Variants in BMAL1 observed in about 807,000 individuals in gnomAD.
The protein encoded by BMAL1 is basic helix-loop-helix ARNT-like protein 1.
At chr11:13,330,835 T>G in the BMAL1 span, among the ~76,000 whole-genome samples, 3 of 152,264 alleles carry the variant, frequency 2.0e-5, no homozygotes. Flanking sequence ...AGGCGCAGTA[T>G]TGTGATATCT....
the BMAL1 span, chr11:13,354,758 C>T: frequency 1.9e-5 from 6 of 323,414 alleles, no homozygotes; most frequent in East Asian, 2.3e-4. Flanking sequence ...TTCTTTGCTC[C>T]TTTGAGCAAG....
At chr11:13,316,677 A>C in the BMAL1 span, among the ~76,000 whole-genome samples, 1 of 152,220 alleles carries the variant, frequency 6.6e-6, no homozygotes, top group Non-Finnish European at 1.5e-5. Flanking sequence ...AGGGCTCTCT[A>C]GGGCCAGGCT....
At chr11:13,381,501 C>G in the BMAL1 span, among the ~76,000 whole-genome samples, 1 of 152,160 alleles carries the variant, frequency 6.6e-6, no homozygotes, top group African/African-American at 2.4e-5. Context: ...GAATGGGGAA[C>G]TGTCAGTTCA....
At chr11:13,277,476 C>G in the BMAL1 span, among the ~76,000 whole-genome samples, 9 of 152,146 alleles carry the variant, frequency 5.9e-5, no homozygotes, top group African/African-American at 2.2e-4. Flanking sequence ...TCGGGGCGTG[C>G]GCTCCTGTGC....
the BMAL1 span, chr11:13,386,989 A>G: frequency 2.4e-6 from 1 of 408,968 alleles, no homozygotes; most frequent in Non-Finnish European, 4.3e-6. Flanking sequence ...AGCTGTGGAT[A>G]GCTTGCATTA....
the BMAL1 span, among the ~76,000 whole-genome samples, chr11:13,339,867 G>C: frequency 6.6e-6 from 1 of 152,114 alleles, no homozygotes; most frequent in Non-Finnish European, 1.5e-5. Context: ...CTCACCAGGA[G>C]GTGTGCCAGA....
the BMAL1 span, among the ~76,000 whole-genome samples, chr11:13,329,494 A>C: frequency 1.1e-3 from 166 of 152,322 alleles, 4 homozygotes; most frequent in South Asian, 0.033. Flanking sequence ...TTGGGCTGAC[A>C]TGAAAACCTC....
the BMAL1 span, among the ~76,000 whole-genome samples, chr11:13,333,711 G>C: frequency 6.6e-6 from 1 of 152,234 alleles, no homozygotes; most frequent in Non-Finnish European, 1.5e-5. Flanking sequence ...CAGGCATCCT[G>C]CTCCTGCTTT....
chr11:13,305,063 G>A, the BMAL1 span, among the ~76,000 whole-genome samples: 3 of 152,132 alleles, frequency 2.0e-5, no homozygotes, highest in South Asian at 2.1e-4. Context: ...TGTTTCCCAC[G>A]TACTTCCTTG....
chr11:13,366,685 T>G, the BMAL1 span: 1 of 1,613,920 alleles, frequency 6.2e-7, no homozygotes, highest in Non-Finnish European at 8.5e-7. Context: ...TTGGTCAGAG[T>G]TTGTTTGACT....
the BMAL1 span, among the ~76,000 whole-genome samples, chr11:13,372,842 G>GT: frequency 6.6e-6 from 1 of 152,206 alleles, no homozygotes; most frequent in South Asian, 2.1e-4. Flanking sequence ...GAGAGTCTCT[G>GT]TTAAAAAATG....
chr11:13,351,746 C>T, the BMAL1 span, among the ~76,000 whole-genome samples: 5 of 152,282 alleles, frequency 3.3e-5, no homozygotes, highest in African/African-American at 9.6e-5. Flanking sequence ...GTCAGCTCTC[C>T]TCTGGATGTG....
At chr11:13,284,764 T>G in the BMAL1 span, among the ~76,000 whole-genome samples, 87,203 of 151,962 alleles carry the variant, frequency 0.57, 27,415 homozygotes, top group Non-Finnish European at 0.7. Flanking sequence ...GCTCAACTCC[T>G]TTCAATCTTC....
the BMAL1 span, among the ~76,000 whole-genome samples, chr11:13,332,205 T>C: frequency 6.6e-6 from 1 of 152,202 alleles, no homozygotes; most frequent in Non-Finnish European, 1.5e-5. Context: ...CCTTGGGTTA[T>C]TGAATCCATT....
chr11:13,372,715 C>CAGG, the BMAL1 span, among the ~76,000 whole-genome samples: 2 of 152,064 alleles, frequency 1.3e-5, no homozygotes, highest in Non-Finnish European at 2.9e-5. Flanking sequence ...GAGGCTGAAG[C>CAGG]AGGAGGATCA....
the BMAL1 span, among the ~76,000 whole-genome samples, chr11:13,278,356 C>T: frequency 2.6e-5 from 4 of 152,326 alleles, no homozygotes; most frequent in East Asian, 7.8e-4. Context: ...GAAGAGGACT[C>T]CTAGATGTGT....
the BMAL1 span, among the ~76,000 whole-genome samples, chr11:13,336,008 A>T: frequency 1.3e-5 from 2 of 152,230 alleles, no homozygotes; most frequent in African/African-American, 2.4e-5. Context: ...AGAGAGAGAG[A>T]GTGTGTGTGC....
chr11:13,317,581 C>A, the BMAL1 span, among the ~76,000 whole-genome samples: 43 of 152,182 alleles, frequency 2.8e-4, no homozygotes, highest in Admixed American at 9.2e-4. Context: ...AAATTGTGGG[C>A]AATGCACTGA....
the BMAL1 span, among the ~76,000 whole-genome samples, chr11:13,367,942 G>T: frequency 6.6e-6 from 1 of 152,158 alleles, no homozygotes; most frequent in African/African-American, 2.4e-5. Flanking sequence ...TATCAGTGTG[G>T]CCTAATGTCT....
Sources: allele counts gnomAD v4.1 joint callset (sites outside exome capture counted in the v4.1 genomes callset), GRCh38; gene constraint gnomAD v4.1.1; transcripts MANE v1.5; gene names NCBI Gene and HGNC (gene_info 2026-07-23, HGNC 2026-07-21).